MAGI2: variants seen among roughly 807,000 people sequenced by gnomAD.
MAGI2 encodes membrane associated guanylate kinase, WW and PDZ domain containing 2.
Under a neutral mutation model 133.3 loss-of-function variants are expected in MAGI2, and 35 were observed. The ratio of observed to expected loss-of-function variants is 0.26; its 90% CI spans 0.20 to 0.35. The LOEUF (loss-of-function observed/expected upper bound fraction) is 0.35, where lower values mean the gene tolerates loss of function less well. Among genes scored for constraint, MAGI2 ranks in the 10% least tolerant of loss-of-function variants. The pLI, the probability that MAGI2 is intolerant of heterozygous loss-of-function variation, is 1.00. For synonymous variants in MAGI2, 729 were observed against 710.6 expected, an observed-to-expected ratio of 1.03 and a Z score of -0.41; for missense variants, 1,636 against 1,863.4, an observed-to-expected ratio of 0.88 and a Z score of 2.25.
At chr7:79,034,172 C>T (rs10226562) in intron 1 of MAGI2, among the ~76,000 whole-genome samples, 12,882 of 152,156 alleles carry the variant, frequency 0.085, 615 homozygotes, top group African/African-American at 0.13. Context: ...GTGCATGGAG[C>T]TGTCACAGGA....
Position 79,453,624 on chromosome 7 carries a change from G to T in MAGI2, c.-304C>A. On this transcript the variant is annotated 5_prime_UTR_variant, in exon 1 of 22. Transcript: ENST00000354212. ...TGGTGGTGGCGTCGGCGGCGGCGGC[G>T]GCGGCAGCCGGAGCGAGCAGTAGCC... The T allele has an allele frequency of 9.4e-7, 1 of 1,058,378 alleles. No individual in the cohort carries two copies. Among genetic ancestry groups the T allele is most frequent in the Non-Finnish European group, 1.2e-6 (1 of 860,152 alleles). The allele number at this position is 1,058,378 out of a possible 1,614,324, so 65.6% of individuals were successfully genotyped here. A position where few individuals can be genotyped will look rare whatever the true frequency, so the allele number is the denominator to read the frequency against.
chr7:78,364,985 G>T (rs1369833502), intron 7 of MAGI2, among the ~76,000 whole-genome samples: 1 of 152,152 alleles, frequency 6.6e-6, no homozygotes, highest in Non-Finnish European at 1.5e-5. Context: ...GTGAGAACTT[G>T]GTCTGTTTAC....
At chr7:78,061,512 CTTAA>C (rs1397092568) in intron 21 of MAGI2, among the ~76,000 whole-genome samples, 1 of 151,744 alleles carries the variant, frequency 6.6e-6, no homozygotes, top group Non-Finnish European at 1.5e-5. Context: ...TTGATGGCCC[CTTAA>C]TTAATAGGTG....
intron 2 of MAGI2, among the ~76,000 whole-genome samples, chr7:78,776,910 T>C (rs552112904): frequency 6.6e-6 from 1 of 152,354 alleles, no homozygotes; most frequent in South Asian, 2.1e-4. Context: ...AAATGATTGA[T>C]ATATGATTGA....
At chr7:78,410,818 C>A (rs1236474032) in intron 6 of MAGI2, among the ~76,000 whole-genome samples, 1 of 151,730 alleles carries the variant, frequency 6.6e-6, no homozygotes, top group Non-Finnish European at 1.5e-5. Context: ...AGACAGTAGT[C>A]AGTCAAAAGA....
At chr7:79,292,856 T>G (rs113941373) in intron 1 of MAGI2, among the ~76,000 whole-genome samples, 1 of 147,348 alleles carries the variant, frequency 6.8e-6, no homozygotes, top group East Asian at 2.0e-4. Flanking sequence ...AGAATCAATT[T>G]AGGGAATATT....
At chr7:79,006,080 C>T (rs1429880024) in intron 2 of MAGI2, among the ~76,000 whole-genome samples, 1 of 152,160 alleles carries the variant, frequency 6.6e-6, no homozygotes, top group Non-Finnish European at 1.5e-5. Flanking sequence ...TCCATCTTGA[C>T]ATCTCTGTGT....
intron 1 of MAGI2, among the ~76,000 whole-genome samples, chr7:79,134,396 T>TCA (rs1821194370): frequency 6.6e-6 from 1 of 152,182 alleles, no homozygotes; most frequent in Admixed American, 6.5e-5. Context: ...TCCTAAATCT[T>TCA]CAACTCTCTA....
intron 1 of MAGI2, among the ~76,000 whole-genome samples, chr7:79,275,048 A>G (rs1371561076): frequency 6.6e-6 from 1 of 152,120 alleles, no homozygotes; most frequent in East Asian, 1.9e-4. Flanking sequence ...ATGACACTGA[A>G]ATTAGGACAA....
intron 2 of MAGI2, among the ~76,000 whole-genome samples, chr7:78,719,317 T>C (rs1363689949): frequency 6.6e-6 from 1 of 152,104 alleles, no homozygotes; most frequent in Non-Finnish European, 1.5e-5. Context: ...ATTTTTTGTA[T>C]AATAAACTAA....
intron 4 of MAGI2, among the ~76,000 whole-genome samples, chr7:78,509,928 TA>T (rs951705669): frequency 1.3e-5 from 2 of 152,234 alleles, no homozygotes; most frequent in Non-Finnish European, 2.9e-5. Flanking sequence ...TAAACTGTCA[TA>T]AAGTTTGAAT....
chr7:78,637,366 G>C (rs146734215), intron 2 of MAGI2, among the ~76,000 whole-genome samples: 1 of 151,846 alleles, frequency 6.6e-6, no homozygotes, highest in African/African-American at 2.4e-5. Context: ...CAACAGTATG[G>C]CTGATATTGG....
At chr7:78,856,395 TA>T (rs1440847992) in intron 2 of MAGI2, among the ~76,000 whole-genome samples, 1 of 152,244 alleles carries the variant, frequency 6.6e-6, no homozygotes, top group African/African-American at 2.4e-5. Context: ...GTCTAATATT[TA>T]AGTCTTTAAT....
chr7:78,461,158 T>C (rs1789944807), intron 6 of MAGI2, among the ~76,000 whole-genome samples: 1 of 152,158 alleles, frequency 6.6e-6, no homozygotes, highest in Non-Finnish European at 1.5e-5. Flanking sequence ...ATCCAGTTAT[T>C]GTTTTAACAT....
chr7:78,935,004 C>T (rs1800411980), intron 2 of MAGI2, among the ~76,000 whole-genome samples: 1 of 152,102 alleles, frequency 6.6e-6, no homozygotes, highest in Non-Finnish European at 1.5e-5. Flanking sequence ...TAAAGCTCCC[C>T]AGGTATTTGC....
At chr7:79,261,461 G>A (rs1834084099) in intron 1 of MAGI2, among the ~76,000 whole-genome samples, 1 of 152,214 alleles carries the variant, frequency 6.6e-6, no homozygotes, top group African/African-American at 2.4e-5. Context: ...CCTAAGGTTA[G>A]TGGATGGGAC....
chr7:78,465,847 C>T (rs1790567747), intron 6 of MAGI2, among the ~76,000 whole-genome samples: 1 of 152,182 alleles, frequency 6.6e-6, no homozygotes, highest in African/African-American at 2.4e-5. Context: ...TTTAGGTTCT[C>T]ATCTCCTGAG....
intron 2 of MAGI2, among the ~76,000 whole-genome samples, chr7:78,778,903 C>A (rs988794210): frequency 7.1e-6 from 1 of 141,244 alleles, no homozygotes; most frequent in Non-Finnish European, 1.5e-5. Context: ...TCCTTTTCAG[C>A]CTTTTTTTTT....
At chr7:79,075,350 C>T (rs2129541522) in intron 1 of MAGI2, among the ~76,000 whole-genome samples, 1 of 152,260 alleles carries the variant, frequency 6.6e-6, no homozygotes, top group African/African-American at 2.4e-5. Context: ...TCTCATGTTA[C>T]CACATGAGTT....
Sources: allele counts gnomAD v4.1 joint callset (sites outside exome capture counted in the v4.1 genomes callset), GRCh38; gene constraint gnomAD v4.1.1; transcripts MANE v1.5; gene names NCBI Gene and HGNC (gene_info 2026-07-23, HGNC 2026-07-21).